DLG4: variants seen among roughly 807,000 people sequenced by gnomAD.
The protein encoded by DLG4 is disks large homolog 4.
Under a neutral mutation model 93.8 loss-of-function variants are expected in DLG4, and 7 were observed. That is an observed-to-expected ratio of 0.07 (90% CI 0.04 to 0.14). The LOEUF (loss-of-function observed/expected upper bound fraction) is 0.14, where lower values mean the gene tolerates loss of function less well. Among genes scored for constraint, DLG4 ranks in the 10% least tolerant of loss-of-function variants. DLG4 has a pLI of 1.00. For synonymous variants in DLG4, 341 were observed against 387.6 expected, an observed-to-expected ratio of 0.88 and a Z score of 1.41; for missense variants, 545 against 992.9, an observed-to-expected ratio of 0.55 and a Z score of 6.06.
Position 7,217,162 on chromosome 17 carries a change from C to T in DLG4, c.-15G>A. 1 of 1,287,778 alleles carries T rather than the reference C, an allele frequency of 7.8e-7. No homozygotes were observed. The highest frequency in any genetic ancestry group is 9.9e-7 in the Non-Finnish European group (1 of 1,013,906). 79.8% of individuals were successfully genotyped at this position (1,287,778 alleles called of 1,614,324 possible). A position where few individuals can be genotyped will look rare whatever the true frequency, so the allele number is the denominator to read the frequency against. On this transcript the variant is annotated 5_prime_UTR_variant, in exon 1 of 20. Transcript: ENST00000399506. ...AGACAGTCCATGTTGGGGGGCCTGG[C>T]CGCGGCGGCGGGTAAGGGGCTCTGA...
In DLG4 at chr17:7,196,387, C is replaced by G. The variant is rs2046827940; in HGVS notation, c.1187-53G>C. Reference sequence around the variant, plus strand: ...CTCTGTCCCCATCCTACTGTCACCCCTGTCCTCCCCTACTGAAGCCATCAG... The same window carrying G: ...CTCTGTCCCCATCCTACTGTCACCCGTGTCCTCCCCTACTGAAGCCATCAG... On this transcript the variant is annotated intron_variant, in intron 10 of 19. Transcript: ENST00000399506. This position sits in a 1 kb window ranked among gnomAD's most constrained non-coding sequence, Gnocchi z 8.3. 1.9e-6 allele frequency: 3 copies of G among 1,608,894 alleles called. No individual in the cohort carries two copies. The highest frequency in any genetic ancestry group is 1.1e-5 in the South Asian group (1 of 90,964).
intron 17 of DLG4, 175 bp from the exon 18 acceptor site, chr17:7,192,177 A>G: frequency 4.3e-6 from 2 of 460,442 alleles, no homozygotes. Context: ...GGGTATGGAC[A>G]GAGTAAAAGA....
intron 8 of DLG4, among the ~76,000 whole-genome samples, chr17:7,197,816 C>T (rs2069878173): frequency 6.6e-6 from 1 of 152,180 alleles, no homozygotes; most frequent in Non-Finnish European, 1.5e-5. Context: ...GAAATTACTG[C>T]TTACCCTCCT....
intron 1 of DLG4, among the ~76,000 whole-genome samples, chr17:7,209,355 G>A (rs1337839876): frequency 2.0e-5 from 3 of 152,232 alleles, no homozygotes; most frequent in Non-Finnish European, 2.9e-5. Context: ...CTCTGCCCTC[G>A]CCTGCTCCTC....
At position 7,191,637 on chromosome 17, in the gene DLG4, C is replaced by G. The variant is rs973023747; in HGVS notation, c.1976+256G>C. The G allele has an allele frequency of 5.2e-4, 311 of 595,190 alleles. 1 individual carries two copies. The highest frequency in any genetic ancestry group is 1.4e-4 in the Non-Finnish European group (47 of 332,656). 36.9% of individuals were successfully genotyped at this position (595,190 alleles called of 1,614,324 possible). A position where few individuals can be genotyped will look rare whatever the true frequency, so the allele number is the denominator to read the frequency against. ...ATGGGATTCGGACTCCAATTCCCAA[C>G]AGCCCTAGAGGCCCTGACTCGCCCC... On this transcript the variant is annotated intron_variant, in intron 18 of 19. Coordinates refer to ENST00000399506, the MANE Select transcript of DLG4 (RefSeq NM_001321075.3). This position sits in a 1 kb window ranked among gnomAD's most constrained non-coding sequence, Gnocchi z 6.6.
chr17:7,193,219 T>C lies in DLG4; in HGVS notation c.1694-102A>G, dbSNP rs1792445374. ...TCCCCATAGTGCCCAGCTGGTCCTTTGGTGAAAGGGAGCTGCCAGGGAGAC... is the reference window on the plus strand; with the variant it reads ...TCCCCATAGTGCCCAGCTGGTCCTTCGGTGAAAGGGAGCTGCCAGGGAGAC... On this transcript the variant is annotated intron_variant, in intron 16 of 19. Coordinates refer to ENST00000399506, the MANE Select transcript of DLG4 (RefSeq NM_001321075.3). The surrounding 1 kb of genome is among the most constrained non-coding windows in gnomAD (Gnocchi z 6.7). 1 of 1,514,356 alleles carries C rather than the reference T, an allele frequency of 6.6e-7. No homozygotes were observed. Among genetic ancestry groups the C allele is most frequent in the Admixed American group, 1.7e-5 (1 of 57,414 alleles). The allele number at this position is 1,514,356 out of a possible 1,614,324, so 93.8% of individuals were successfully genotyped here.
chr17:7,193,938 C>T lies in DLG4; in HGVS notation c.1515+26G>A. 3 of 1,613,662 alleles carry T rather than the reference C, an allele frequency of 1.9e-6. No homozygotes were observed. Among genetic ancestry groups the T allele is most frequent in the Non-Finnish European group, 1.7e-6 (2 of 1,179,762 alleles). ...GCTCCATGAGCCCTCACACTTCCACCCAGGCTCACACCCTCCTCCACCTAC... is the reference window on the plus strand; with the variant it reads ...GCTCCATGAGCCCTCACACTTCCACTCAGGCTCACACCCTCCTCCACCTAC... On this transcript the variant is annotated intron_variant, in intron 13 of 19. Coordinates refer to ENST00000399506, the MANE Select transcript of DLG4 (RefSeq NM_001321075.3). This position sits in a 1 kb window ranked among gnomAD's most constrained non-coding sequence, Gnocchi z 6.7.
At chr17:7,218,605 T>C (rs180852009), upstream of DLG4, 27 of 1,566,140 alleles carry the variant, frequency 1.7e-5, 1 homozygote, top group African/African-American at 3.3e-4. Flanking sequence ...ACCGCAGCAG[T>C]GGGGGTGCCA....
In DLG4 at chr17:7,203,214, C is replaced by T. The variant is rs1421147825; in HGVS notation, c.621G>A (p.Gln207=). The change falls in exon 7 of 20, where the codon CAG becomes CAA. Residue 207 remains glutamine, a synonymous_variant. Transcript: ENST00000399506. The surrounding 1 kb of genome is among the most constrained non-coding windows in gnomAD (Gnocchi z 7.2). ...TCACCGCCAGGATCTTGTCTCCAATCTGCAACCTCCCATCCTTGTGGGCAG... is the reference window on the plus strand; with the variant it reads ...TCACCGCCAGGATCTTGTCTCCAATTTGCAACCTCCCATCCTTGTGGGCAG... ...GGAAHKDGRL[Q]IGDKILAVNS... is the part of the protein sequence containing the mutation. 1.2e-6 allele frequency: 2 copies of T among 1,604,436 alleles called. No individual in the cohort carries two copies. The highest frequency in any genetic ancestry group is 2.2e-5 in the South Asian group (2 of 90,594).
At chr17:7,204,638 G>A (rs190193248) in intron 2 of DLG4, among the ~76,000 whole-genome samples, 427 of 152,060 alleles carry the variant, frequency 2.8e-3, no homozygotes, top group African/African-American at 7.5e-3. Flanking sequence ...ACACCACAGG[G>A]TGTTACATGC....
chr17:7,206,182 T>C (rs534721171), intron 2 of DLG4, among the ~76,000 whole-genome samples: 30 of 152,092 alleles, frequency 2.0e-4, no homozygotes, highest in Middle Eastern at 6.8e-3. Flanking sequence ...CTTGAACTCC[T>C]GGGCTCAAGC....
chr17:7,219,368 AC>A (rs1396104521), upstream of DLG4: 2 of 1,007,692 alleles, frequency 2.0e-6, no homozygotes, highest in Non-Finnish European at 2.4e-6. Context: ...CAGAGGCTTT[AC>A]TAAGGGAGGG....
At position 7,189,138 on chromosome 17, in the gene DLG4, G is replaced by C. The variant is rs544870230; in HGVS notation, c.*1570C>G. Among the ~76,000 whole-genome samples, 3 of 148,618 alleles carry C rather than the reference G, an allele frequency of 2.0e-5. No individual in the cohort carries two copies. The highest frequency in any genetic ancestry group is 3.0e-5 in the Non-Finnish European group (2 of 67,356). On this transcript the variant is annotated 3_prime_UTR_variant, in exon 20 of 20. Transcript: ENST00000399506. ...AAAAAAAAAAAAAAAGGGTGGGGGG[G>C]GCGCATAAAGAAACCTAGCGTATAT...
Position 7,188,870 on chromosome 17 carries a change from G to A in DLG4, c.*1838C>T, listed in dbSNP as rs1029546447. Reference sequence around the variant, plus strand: ...CTCATGCCTGTAATCTTAACACTGTGGGAGGCCAAGCTGGGCGGATCACCT... The same window carrying A: ...CTCATGCCTGTAATCTTAACACTGTAGGAGGCCAAGCTGGGCGGATCACCT... On this transcript the variant is annotated 3_prime_UTR_variant, in exon 20 of 20. Coordinates refer to ENST00000399506, the MANE Select transcript of DLG4 (RefSeq NM_001321075.3). Among the ~76,000 whole-genome samples the A allele has an allele frequency of 1.3e-5, 2 of 152,104 alleles. No homozygotes were observed. Among genetic ancestry groups the A allele is most frequent in the African/African-American group, 4.8e-5 (2 of 41,432 alleles).
In DLG4 at chr17:7,191,119, G is replaced by A. The variant is rs1367221261; in HGVS notation, c.2068+148C>T. On this transcript the variant is annotated intron_variant, in intron 19 of 19. Coordinates refer to ENST00000399506, the MANE Select transcript of DLG4 (RefSeq NM_001321075.3). This position sits in a 1 kb window ranked among gnomAD's most constrained non-coding sequence, Gnocchi z 6.6. ...CGAGTAGCTGGGATTACAGGTGCCCGCCAGTGCTGGGATTACAGGCGTGAG... is the reference window on the plus strand; with the variant it reads ...CGAGTAGCTGGGATTACAGGTGCCCACCAGTGCTGGGATTACAGGCGTGAG... 25 of 713,228 alleles carry A rather than the reference G, an allele frequency of 3.5e-5. No homozygotes were observed. Among genetic ancestry groups the A allele is most frequent in the Non-Finnish European group, 5.5e-5 (23 of 420,436 alleles). The allele number at this position is 713,228 out of a possible 1,614,324, so 44.2% of individuals were successfully genotyped here.
chr17:7,210,211 T>G (rs2070653900), intron 1 of DLG4, among the ~76,000 whole-genome samples: 1 of 152,094 alleles, frequency 6.6e-6, no homozygotes, highest in Non-Finnish European at 1.5e-5. Context: ...AGATGATGAA[T>G]CAAGGCTGAG....
chr17:7,218,185 C>T, upstream of DLG4: 4 of 1,494,844 alleles, frequency 2.7e-6, no homozygotes, highest in Non-Finnish European at 3.7e-6. Context: ...ATTTGGCTCA[C>T]CCCTCCAGCC....
chr17:7,197,168 A>G (rs2069836826), intron 8 of DLG4, 116 bp from the exon 9 acceptor site: 5 of 1,038,422 alleles, frequency 4.8e-6, no homozygotes, highest in East Asian at 2.6e-5. Flanking sequence ...ATATTCTGCC[A>G]GAGATGCCAG....
intron 2 of DLG4, among the ~76,000 whole-genome samples, chr17:7,206,861 C>T (rs987187490): frequency 2.0e-5 from 3 of 152,130 alleles, no homozygotes; most frequent in African/African-American, 7.2e-5. Flanking sequence ...CTCCCCCTTC[C>T]CAGAGCATCC....
Sources: allele counts gnomAD v4.1 joint callset (sites outside exome capture counted in the v4.1 genomes callset), GRCh38; gene constraint gnomAD v4.1.1; non-coding constraint Gnocchi (gnomAD v3.1); transcripts MANE v1.5; gene names NCBI Gene and HGNC (gene_info 2026-07-23, HGNC 2026-07-21).